The following KLB variants were observed in gnomAD, a reference collection of about 807,000 sequenced individuals.
The protein encoded by KLB is beta-klotho.
Under a neutral mutation model 88.4 loss-of-function variants are expected in KLB, and 44 were observed. The observed-to-expected ratio is 0.50, with a 90% confidence interval of 0.39 to 0.64. The LOEUF (loss-of-function observed/expected upper bound fraction) is 0.64. KLB is among the 30% of genes least tolerant of loss of function. The probability of loss-of-function intolerance (pLI) is 0.00; values close to 1 mark genes in which losing one functional copy is unlikely to be tolerated. For synonymous variants in KLB, 548 were observed against 513.4 expected (o/e 1.07, Z -0.91); for missense variants, 1,137 against 1,304.8 (o/e 0.87, Z 1.98).
rs1418059984 is a variant in KLB at position 39,446,482 on chromosome 4, C to G, written c.1756C>G (p.Leu586Val). 6.2e-7 allele frequency: 1 copy of G among 1,614,210 alleles called. No homozygotes were observed. Among genetic ancestry groups the G allele is most frequent in the South Asian group, 1.1e-5 (1 of 91,080 alleles). ...CTDFVNIKKQLEMLARMKVTH... is the reference protein window; with the variant it reads ...CTDFVNIKKQVEMLARMKVTH... ...AGATTTTGTAAACATCAAAAAACAA[C>G]TTGAGATGTTGGCAAGAATGAAAGT... Residue 586 changes from leucine (L) to valine (V), a missense_variant, in exon 4 of 5, where the codon CTT becomes GTT. Coordinates refer to ENST00000257408, the MANE Select transcript of KLB (RefSeq NM_175737.4). This position sits in a 1 kb window ranked among gnomAD's most constrained non-coding sequence, Gnocchi z 6.4.
At chr4:39,414,783 T>A (rs1430961186) in intron 1 of KLB, among the ~76,000 whole-genome samples, 3 of 148,198 alleles carry the variant, frequency 2.0e-5, no homozygotes, top group Non-Finnish European at 4.5e-5. Context: ...GCAGGAGAAT[T>A]GCTTGAACCC....
intron 4 of KLB, among the ~76,000 whole-genome samples, 193 bp downstream of exon 4, chr4:39,447,668 C>T (rs565657481): frequency 9.4e-4 from 143 of 152,164 alleles, no homozygotes; most frequent in Non-Finnish European, 1.5e-3. Context: ...AAGTAACACA[C>T]ACCAATTATA....
rs911307592 is a variant in KLB, at chr4:39,447,292, C to T, written c.2566C>T (p.Leu856=). 4 of 1,613,974 alleles carry T rather than the reference C, an allele frequency of 2.5e-6. No individual in the cohort carries two copies. In the African/African-American group the frequency reaches 4.0e-5, roughly 16 times the overall value. Reference sequence around the variant, plus strand: ...CCAGTTTCTGCAGGACATCACCCGCCTGAGCTCCCCCACGCGCCTGGCTGT... The same window carrying T: ...CCAGTTTCTGCAGGACATCACCCGCTTGAGCTCCCCCACGCGCCTGGCTGT... ...DIQFLQDITR[L]SSPTRLAVIP... is the part of the protein sequence containing the mutation. The change falls in exon 4 of 5, where the codon CTG becomes TTG. Residue 856 remains leucine, a synonymous_variant. Transcript: ENST00000257408.
chr4:39,432,321 TGA>T (rs1041324436), intron 1 of KLB, among the ~76,000 whole-genome samples: 1 of 149,486 alleles, frequency 6.7e-6, no homozygotes, highest in Admixed American at 6.7e-5. Context: ...ATGGAGAAAA[TGA>T]GAGACCAGGG....
At chr4:39,437,164 TG>T (rs1743489356) in intron 2 of KLB, among the ~76,000 whole-genome samples, 1 of 152,242 alleles carries the variant, frequency 6.6e-6, no homozygotes, top group Admixed American at 6.5e-5. Flanking sequence ...GCATGCTCCC[TG>T]GAGCATAGCA....
At chr4:39,428,961 C>A (rs1019845363) in intron 1 of KLB, among the ~76,000 whole-genome samples, 1 of 152,192 alleles carries the variant, frequency 6.6e-6, no homozygotes, top group Non-Finnish European at 1.5e-5. Flanking sequence ...CACCCACCTC[C>A]ACCTCCCAAA....
At chr4:39,407,869 G>T in intron 1 of KLB, 95 bp downstream of exon 1, 1 of 706,058 alleles carries the variant, frequency 1.4e-6, no homozygotes, top group Non-Finnish European at 2.2e-6. Flanking sequence ...CTGAAATCAA[G>T]GCAACTGATT....
Position 39,407,468 on chromosome 4 carries a change from G to A in KLB, c.519G>A (p.Gln173=), listed in dbSNP as rs879465354. 1 of 1,614,194 alleles carries A rather than the reference G, an allele frequency of 6.2e-7. No individual in the cohort carries two copies. The highest frequency in any genetic ancestry group is 8.5e-7 in the Non-Finnish European group (1 of 1,180,018). ...CAGTTGCCAACGCAAAAGGTCTGCA[G>A]TACTACAGTACTCTTCTGGACGCTC... ...IVTVANAKGL[Q]YYSTLLDALV... The change falls in exon 1 of 5, where the codon CAG becomes CAA. Residue 173 remains glutamine, a synonymous_variant. Coordinates refer to ENST00000257408, the MANE Select transcript of KLB (RefSeq NM_175737.4).
intron 1 of KLB, among the ~76,000 whole-genome samples, chr4:39,426,778 C>T (rs368885094): frequency 2.4e-4 from 36 of 151,350 alleles, no homozygotes; most frequent in African/African-American, 8.6e-4. Context: ...GCCTTGACCT[C>T]CTGTGCTCAA....
In KLB at chr4:39,446,847, C is replaced by T; in HGVS notation, c.2121C>T (p.Asp707=). 2.5e-6 allele frequency: 4 copies of T among 1,612,014 alleles called. No homozygotes were observed. In the South Asian group the frequency reaches 4.4e-5, roughly 18 times the overall value. ...ACATCTACAACCGCTCTGGCAACGA[C>T]ACCTACGGGGCGGCGCACAACCTGC... The part of the protein sequence containing the change: ...LSDIYNRSGN[D]TYGAAHNLLV... The change falls in exon 4 of 5, where the codon GAC becomes GAT. Residue 707 remains aspartate (D), a synonymous_variant. Coordinates refer to ENST00000257408, the MANE Select transcript of KLB (RefSeq NM_175737.4). This position sits in a 1 kb window ranked among gnomAD's most constrained non-coding sequence, Gnocchi z 6.4.
At chr4:39,422,228 A>C (rs997010417) in intron 1 of KLB, among the ~76,000 whole-genome samples, 20 of 152,222 alleles carry the variant, frequency 1.3e-4, no homozygotes, top group African/African-American at 4.8e-4. Context: ...TGAACTAGGA[A>C]GGTGAAGGAC....
At chr4:39,411,524 A>ATT (rs796871369) in intron 1 of KLB, among the ~76,000 whole-genome samples, 19 of 109,994 alleles carry the variant, frequency 1.7e-4, no homozygotes, top group African/African-American at 2.6e-4. Flanking sequence ...TGGCTTGGCC[A>ATT]TTTTTTTTTT....
intron 1 of KLB, among the ~76,000 whole-genome samples, chr4:39,432,219 G>A (rs961927104): frequency 2.0e-5 from 3 of 152,174 alleles, no homozygotes; most frequent in Admixed American, 6.5e-5. Context: ...CCTGAGAGGT[G>A]GAGGTTGAGT....
At chr4:39,414,144 G>A (rs946278373) in intron 1 of KLB, among the ~76,000 whole-genome samples, 4 of 152,014 alleles carry the variant, frequency 2.6e-5, no homozygotes, top group Admixed American at 2.0e-4. Context: ...GTAGACAACT[G>A]GTTAAAGACA....
chr4:39,419,787 A>AG (rs1743039894), intron 1 of KLB, among the ~76,000 whole-genome samples: 1 of 150,704 alleles, frequency 6.6e-6, no homozygotes. Context: ...AAAAAAAAAA[A>AG]AAAAAAATTA....
chr4:39,427,482 CA>C (rs35351344), intron 1 of KLB, among the ~76,000 whole-genome samples: 13,428 of 117,878 alleles, frequency 0.11, 472 homozygotes, highest in Middle Eastern at 0.2. Flanking sequence ...GACTCTGTCT[CA>C]AAAAAAAAAA....
chr4:39,429,868 A>T (rs2109831816), intron 1 of KLB, among the ~76,000 whole-genome samples: 1 of 152,342 alleles, frequency 6.6e-6, no homozygotes, highest in Middle Eastern at 3.4e-3. Flanking sequence ...TACTGCACAG[A>T]GGACCTCCCC....
At position 39,448,340 on chromosome 4, in the gene KLB, C is replaced by T; in HGVS notation, c.2789C>T (p.Ala930Val). ...IDKVRIKGYY[A>V]FKLAEEKSKP... ...AAAGTCAGAATCAAAGGCTATTATGCATTCAAACTGGCTGAAGAGAAATCT... is the reference window on the plus strand; with the variant it reads ...AAAGTCAGAATCAAAGGCTATTATGTATTCAAACTGGCTGAAGAGAAATCT... Residue 930 changes from alanine to valine, a missense_variant, in exon 5 of 5, where the codon GCA becomes GTA. Physicochemically the swap from Ala to Val is moderately conservative, Grantham distance 64. Coordinates refer to ENST00000257408, the MANE Select transcript of KLB (RefSeq NM_175737.4). 6.2e-7 allele frequency: 1 copy of T among 1,610,846 alleles called. No homozygotes were observed. The highest frequency in any genetic ancestry group is 8.5e-7 in the Non-Finnish European group (1 of 1,177,574).
intron 1 of KLB, among the ~76,000 whole-genome samples, chr4:39,430,563 G>C (rs919033096): frequency 2.0e-5 from 3 of 151,000 alleles, no homozygotes; most frequent in African/African-American, 7.3e-5. Flanking sequence ...AAGGAAAGAG[G>C]CTACATTCTG....
Sources: gnomAD v4.1 joint callset for allele counts (sites outside exome capture counted in the v4.1 genomes callset) on GRCh38, gnomAD v4.1.1 for gene constraint, Gnocchi (gnomAD v3.1) non-coding constraint, MANE v1.5 for transcripts, NCBI Gene and HGNC (gene_info 2026-07-23, HGNC 2026-07-21) for gene names.